Variants in DHX38 observed in about 807,000 individuals in gnomAD.
The protein encoded by DHX38 is pre-mRNA-splicing factor ATP-dependent RNA helicase PRP16.
Under a neutral mutation model 153.1 loss-of-function variants are expected in DHX38, and 100 were observed. The observed-to-expected ratio is 0.65, with a 90% confidence interval of 0.56 to 0.77. The LOEUF (loss-of-function observed/expected upper bound fraction) is 0.77, where lower values mean the gene tolerates loss of function less well. Ranked by LOEUF, DHX38 falls within the 30% of genes least tolerant of loss-of-function variation. The pLI, the probability that DHX38 is intolerant of heterozygous loss-of-function variation, is 0.00. For missense variants in DHX38, 1,440 were observed against 1,654.0 expected (o/e 0.87, Z 2.24); for synonymous variants, 650 against 631.7 (o/e 1.03, Z -0.43).
chr16:72,100,280 C>A (rs778554323), intron 8 of DHX38, among the ~76,000 whole-genome samples, 156 bp from the exon 9 acceptor site: 1 of 152,144 alleles, frequency 6.6e-6, no homozygotes, highest in African/African-American at 2.4e-5. Flanking sequence ...GGGATCAGCA[C>A]CTCTTCTGTC....
At chr16:72,102,098 A>AT (rs2042109564) in intron 11 of DHX38, among the ~76,000 whole-genome samples, 1 of 152,230 alleles carries the variant, frequency 6.6e-6, no homozygotes, top group Non-Finnish European at 1.5e-5. Context: ...AGAGGCATCT[A>AT]AGCAGATGCT....
rs781372374 is a variant in DHX38 at position 72,098,735 on chromosome 16, C to T, written c.707C>T (p.Thr236Met). 2.8e-5 allele frequency: 45 copies of T among 1,614,068 alleles called. 1 individual carries two copies. The highest frequency in any genetic ancestry group is 1.9e-4 in the South Asian group (17 of 91,078). The change falls in exon 5 of 27, where the codon ACG becomes ATG. Residue 236 changes from threonine to methionine, a missense_variant. Coordinates refer to ENST00000268482, the MANE Select transcript of DHX38 (RefSeq NM_014003.4). ...TCACAGTGGGAATCGCCCTCCCCGA[C>T]GCCTTCCTATCGGGATTCTGAGCGG... ...RRSQWESPSP[T>M]PSYRDSERSH...
rs2042078627 is a variant in DHX38, at chr16:72,099,986, C to T, written c.1116+99C>T. The T allele has an allele frequency of 1.3e-5, 19 of 1,461,174 alleles. No individual in the cohort carries two copies. The East Asian group carries it at 3.2e-4, about 25-fold the overall frequency. The allele number at this position is 1,461,174 out of a possible 1,614,324, so 90.5% of individuals were successfully genotyped here. A position where few individuals can be genotyped will look rare whatever the true frequency, so the allele number is the denominator to read the frequency against. On this transcript the variant is annotated intron_variant, in intron 8 of 26. Coordinates refer to ENST00000268482, the MANE Select transcript of DHX38 (RefSeq NM_014003.4). ...CCAAGTGAGGGCAGCACAGCTTGTC[C>T]CCTGATTGCCGAGAAGCCCAGATCC...
intron 4 of DHX38, 130 bp from the exon 5 acceptor site, chr16:72,098,515 G>A (rs909341515): frequency 2.5e-5 from 30 of 1,184,916 alleles, no homozygotes; most frequent in East Asian, 1.2e-4. Flanking sequence ...GATCTTAACC[G>A]TTATAGATAC....
rs1188329722 is a variant in DHX38 at position 72,105,284 on chromosome 16, C to T, written c.2315C>T (p.Ala772Val). Residue 772 changes from alanine to valine, a missense_variant, in exon 17 of 27, where the codon GCC (alanine) becomes GTC (valine). By Grantham distance (64) the Ala-to-Val change is moderately conservative. Transcript: ENST00000268482. ...EHLEELENAP[A>V]LAVLPIYSQL... Reference sequence around the variant, plus strand: ...CTGGAGGAACTGGAGAACGCGCCTGCCCTGGCTGTGCTGCCCATCTACTCT... The same window carrying T: ...CTGGAGGAACTGGAGAACGCGCCTGTCCTGGCTGTGCTGCCCATCTACTCT... 103 of 1,614,048 alleles carry T rather than the reference C, an allele frequency of 6.4e-5. 1 individual carries two copies. The Admixed American group carries it at 1.7e-3, about 26-fold the overall frequency.
intron 11 of DHX38, 31 bp from the exon 12 acceptor site, chr16:72,103,043 G>C: frequency 1.9e-6 from 3 of 1,611,666 alleles, no homozygotes; most frequent in South Asian, 1.1e-5. Flanking sequence ...GGGGCACCAT[G>C]CAGGGTGTTT....
Position 72,096,914 on chromosome 16 carries a change from G to A in DHX38, c.416G>A (p.Arg139Gln), listed in dbSNP as rs753722533. The A allele has an allele frequency of 6.8e-6, 11 of 1,613,906 alleles. No individual in the cohort carries two copies. The highest frequency in any genetic ancestry group is 3.3e-5 in the South Asian group (3 of 91,072). ...CGCAGTCGGCAGAGAGAGCGGGAGC[G>A]GCGGGAACATGGTGTCTATGCCTCG... ...WERSRQRERE[R>Q]REHGVYASSK... The change falls in exon 3 of 27, where the codon CGG (arginine) becomes CAG (glutamine). Residue 139 changes from arginine (R) to glutamine (Q), a missense_variant. Transcript: ENST00000268482.
intron 3 of DHX38, 198 bp downstream of exon 3, chr16:72,097,207 CTCCT>C (rs1455779292): frequency 7.5e-6 from 4 of 534,216 alleles, no homozygotes; most frequent in Non-Finnish European, 6.5e-6. Context: ...CATAGCTGCT[CTCCT>C]TGAGTGTGTG....
intron 4 of DHX38, 149 bp from the exon 5 acceptor site, chr16:72,098,494 CTG>C: frequency 9.5e-7 from 1 of 1,049,272 alleles, no homozygotes; most frequent in Non-Finnish European, 1.3e-6. Context: ...TCTTTAAAAA[CTG>C]TCAAAACCGA....
chr16:72,096,816 T>C lies in DHX38; in HGVS notation c.324-6T>C, dbSNP rs2042026363. 3 of 1,609,516 alleles carry C rather than the reference T, an allele frequency of 1.9e-6. No homozygotes were observed. The East Asian group carries it at 6.7e-5, about 36-fold the overall frequency. On this transcript the variant is annotated splice_region_variant and splice_polypyrimidine_tract_variant and intron_variant, in intron 2 of 26. Coordinates refer to ENST00000268482, the MANE Select transcript of DHX38 (RefSeq NM_014003.4). ...GGGCCTTTACCAGTTGCTCTCCCTG[T>C]TTCAGACATTATCGGTCTGCTCGGG...
In DHX38 at chr16:72,102,032, A is replaced by C. The variant is rs367841186; in HGVS notation, c.1499+420A>C. 1.5e-4 allele frequency among the ~76,000 whole-genome samples: 23 copies of C among 152,274 alleles called. No homozygotes were observed. In the East Asian group the frequency reaches 2.3e-3, roughly 15 times the overall value. Reference sequence around the variant, plus strand: ...GAGTTCACTATAAGAACTATTTTTAAAAGAGGTTCCAAAATAGAAAGGGTT... The same window carrying C: ...GAGTTCACTATAAGAACTATTTTTACAAGAGGTTCCAAAATAGAAAGGGTT... On this transcript the variant is annotated intron_variant, in intron 11 of 26. Coordinates refer to ENST00000268482, the MANE Select transcript of DHX38 (RefSeq NM_014003.4).
rs775116319 is a variant in DHX38, at chr16:72,103,775, A to T, written c.1811A>T (p.Asn604Ile). 12 of 1,610,756 alleles carry T rather than the reference A, an allele frequency of 7.4e-6. 1 individual carries two copies. Among genetic ancestry groups the T allele is most frequent in the South Asian group, 4.4e-5 (4 of 91,022 alleles). The change falls in exon 13 of 27, where the codon AAC becomes ATC. Residue 604 changes from asparagine to isoleucine, a missense_variant. Transcript: ENST00000268482. ...AKRVSEEMGG[N>I]LGEEVGYAIR... ...AGAGTCAGTGAAGAGATGGGGGGAA[A>T]CCTTGGCGAGGAGGTGAGTGGGCGT... is the stretch of plus-strand genomic sequence containing the variant.
In DHX38 at chr16:72,105,352, T is replaced by G. The variant is rs770096580; in HGVS notation, c.2379+4T>G. On this transcript the variant is annotated splice_donor_region_variant and intron_variant, in intron 17 of 26. Coordinates refer to ENST00000268482, the MANE Select transcript of DHX38 (RefSeq NM_014003.4). ...CCAGGCCAAAATCTTCCAGAAGGTG[T>G]GTCAGCAGGAATGTCCAGGAGTGGC... 1 of 1,613,876 alleles carries G rather than the reference T, an allele frequency of 6.2e-7. No homozygotes were observed. Among genetic ancestry groups the G allele is most frequent in the South Asian group, 1.1e-5 (1 of 91,072 alleles).
Position 72,108,535 on chromosome 16 carries a change from G to C in DHX38, c.3183G>C (p.Ser1061=), listed in dbSNP as rs761728672. The C allele has an allele frequency of 1.9e-6, 3 of 1,614,054 alleles. No homozygotes were observed. In the African/African-American group the frequency reaches 4.0e-5, roughly 22 times the overall value. Residue 1061 remains serine, a synonymous_variant, in exon 23 of 27, where the codon TCG becomes TCC. Transcript: ENST00000268482. ...TGCAGCAGCGGATGAGCCTGGCCTC[G>C]TGTGGCACTGACTGGGACATCGTCA... is the stretch of plus-strand genomic sequence containing the variant. ...IMVQQRMSLA[S]CGTDWDIVRK...
In DHX38 at chr16:72,103,601, G is replaced by A. The variant is rs1370588381; in HGVS notation, c.1638-1G>A. 6.2e-7 allele frequency: 1 copy of A among 1,604,556 alleles called. No homozygotes were observed. The highest frequency in any genetic ancestry group is 8.5e-7 in the Non-Finnish European group (1 of 1,171,962). ...AGCCCTTTGCCTGCTTGTCCTTGTA[G>A]AGACAACAGCATCGTGATCGTGGTT... On this transcript the variant is annotated splice_acceptor_variant, in intron 12 of 26. Coordinates refer to ENST00000268482, the MANE Select transcript of DHX38 (RefSeq NM_014003.4). LOFTEE classifies it high-confidence loss of function.
chr16:72,105,088 G>A lies in DHX38; in HGVS notation c.2213G>A (p.Gly738Glu), dbSNP rs149505110. 166 of 1,614,218 alleles carry A rather than the reference G, an allele frequency of 1.0e-4. No homozygotes were observed. The highest frequency in any genetic ancestry group is 3.7e-4 in the Admixed American group (22 of 60,028). ...CAGTCCTTGCAGGTGCACCTGTCGG[G>A]GGCCCCTGGAGACATCCTTATCTTC... ...VKQSLQVHLSGAPGDILIFMP... is the reference protein window; with the variant it reads ...VKQSLQVHLSEAPGDILIFMP... The change falls in exon 16 of 27, where the codon GGG becomes GAG. Residue 738 changes from glycine to glutamate, a missense_variant. Gly to Glu is a moderately conservative substitution (Grantham distance 98). Around this residue, in one of 6 missense-constraint regions of DHX38, gnomAD observed 543 missense variants for 717.9 expected, o/e 0.76. Transcript: ENST00000268482.
chr16:72,105,567 GTC>G lies in DHX38; in HGVS notation c.2435_2436del (p.Leu812HisfsTer3), dbSNP rs2042164394. 1 of 1,614,182 alleles carries G rather than the reference GTC, an allele frequency of 6.2e-7. No homozygotes were observed. The highest frequency in any genetic ancestry group is 1.1e-5 in the South Asian group (1 of 91,084). ...CIVATNIAET[S>X]LTVDGIMFVI... ...TCGTTGCCACCAATATTGCCGAGAC[GTC>G]TCTCACTGTTGACGGCATCATGTTT... is the stretch of plus-strand genomic sequence containing the variant. On this transcript the variant is annotated frameshift_variant, in exon 18 of 27. Coordinates refer to ENST00000268482, the MANE Select transcript of DHX38 (RefSeq NM_014003.4). LOFTEE classifies it high-confidence loss of function.
In DHX38 at chr16:72,107,799, G is replaced by A; in HGVS notation, c.2964G>A (p.Lys988=). 1 of 1,613,046 alleles carries A rather than the reference G, an allele frequency of 6.2e-7. No homozygotes were observed. The highest frequency in any genetic ancestry group is 8.5e-7 in the Non-Finnish European group (1 of 1,179,732). ...LSVPAIFYRP[K]GREEESDQIR... ...TCCCAGCCATCTTCTACAGGCCCAA[G>A]GTGGGGCAGCGGCTGGCTCCCCTCT... Residue 988 remains lysine, a splice_region_variant and synonymous_variant, in exon 21 of 27, where the codon AAG becomes AAA. Transcript: ENST00000268482. This position sits in a 1 kb window ranked among gnomAD's most constrained non-coding sequence, Gnocchi z 5.3.
At position 72,108,266 on chromosome 16, in the gene DHX38, G is replaced by A; in HGVS notation, c.3004G>A (p.Ala1002Thr). The A allele has an allele frequency of 3.1e-6, 5 of 1,614,052 alleles. No homozygotes were observed. The highest frequency in any genetic ancestry group is 2.7e-5 in the African/African-American group (2 of 74,982). Residue 1002 changes from alanine (A) to threonine (T), a missense_variant, in exon 22 of 27, where the codon GCT (alanine) becomes ACT (threonine). Physicochemically the swap from Ala to Thr is moderately conservative, Grantham distance 58. Around this residue, in one of 6 missense-constraint regions of DHX38, gnomAD observed 543 missense variants for 717.9 expected, o/e 0.76. Transcript: ENST00000268482. Reference protein sequence around the residue: ...EESDQIREKFAVPESDHLTYL... With the variant: ...EESDQIREKFTVPESDHLTYL... ...GAGTGATCAAATCCGGGAGAAGTTC[G>A]CTGTTCCTGAGAGCGATCATTTGAC... is the stretch of plus-strand genomic sequence containing the variant.
Sources: allele counts gnomAD v4.1 joint callset (sites outside exome capture counted in the v4.1 genomes callset), GRCh38; gene constraint gnomAD v4.1.1; regional missense constraint gnomAD v4.1.1; non-coding constraint Gnocchi (gnomAD v3.1); transcripts MANE v1.5; gene names NCBI Gene and HGNC (gene_info 2026-07-23, HGNC 2026-07-21).